RBFOX1: variants seen among roughly 807,000 people sequenced by gnomAD.
The protein encoded by RBFOX1 is RNA binding fox-1 homolog 1.
RBFOX1 carries 8 observed loss-of-function variants against 57.7 expected under a neutral mutation model. That is an observed-to-expected ratio of 0.14 (90% CI 0.08 to 0.25). The LOEUF is 0.25. Among genes scored for constraint, RBFOX1 ranks in the 10% least tolerant of loss-of-function variants. The pLI, the probability that RBFOX1 is intolerant of heterozygous loss-of-function variation, is 1.00. For missense variants in RBFOX1, 611 were observed against 548.5 expected (o/e 1.11, Z -1.14); for synonymous variants, 326 against 222.4 (o/e 1.47, Z -4.15).
At chr16:7,004,276 T>C (rs2093105050) in intron 3 of RBFOX1, among the ~76,000 whole-genome samples, 1 of 152,216 alleles carries the variant, frequency 6.6e-6, no homozygotes, top group Admixed American at 6.5e-5. Flanking sequence ...ACGCATTATA[T>C]ATTAATTAGA....
At chr16:5,996,057 T>C (rs912876206) in intron 4 of RBFOX1, among the ~76,000 whole-genome samples, 54 of 152,130 alleles carry the variant, frequency 3.5e-4, no homozygotes, top group African/African-American at 1.2e-3. Flanking sequence ...AGAGTACTAA[T>C]TCCAAGCATG....
chr16:6,149,091 C>G (rs2096779506), intron 1 of RBFOX1, among the ~76,000 whole-genome samples: 1 of 152,204 alleles, frequency 6.6e-6, no homozygotes, highest in African/African-American at 2.4e-5. Context: ...TAATGAAATG[C>G]AAACAAATAC....
intron 4 of RBFOX1, among the ~76,000 whole-genome samples, chr16:7,193,403 C>G (rs982149280): frequency 6.6e-6 from 1 of 152,216 alleles, no homozygotes; most frequent in African/African-American, 2.4e-5. Flanking sequence ...ATGAGACCTG[C>G]ATCAGATTTC....
chr16:6,103,536 A>G (rs1434578502), intron 1 of RBFOX1, among the ~76,000 whole-genome samples: 1 of 152,126 alleles, frequency 6.6e-6, no homozygotes, highest in Non-Finnish European at 1.5e-5. Context: ...TGCCTTATTC[A>G]TACAAAGCCA....
At chr16:7,504,506 C>A (rs1388496589) in intron 4 of RBFOX1, among the ~76,000 whole-genome samples, 1 of 150,620 alleles carries the variant, frequency 6.6e-6, no homozygotes, top group East Asian at 2.0e-4. Flanking sequence ...TCCACCATAA[C>A]TCTCACAAAT....
chr16:6,067,472 A>G (rs1306769970), intron 1 of RBFOX1, among the ~76,000 whole-genome samples: 4 of 152,216 alleles, frequency 2.6e-5, no homozygotes, highest in South Asian at 4.1e-4. Context: ...TAAGATAGAA[A>G]TAAATCACTA....
chr16:6,877,244 C>T (rs182004994), intron 3 of RBFOX1, among the ~76,000 whole-genome samples: 2 of 152,176 alleles, frequency 1.3e-5, no homozygotes, highest in Non-Finnish European at 2.9e-5. Context: ...ATAAATCCCA[C>T]ATGTTGACAT....
At chr16:7,043,499 G>C (rs1000459726) in intron 3 of RBFOX1, among the ~76,000 whole-genome samples, 1 of 152,188 alleles carries the variant, frequency 6.6e-6, no homozygotes, top group South Asian at 2.1e-4. Flanking sequence ...TTGGAGACGT[G>C]CGTTTATAGG....
At chr16:7,521,188 T>C (rs1507014) in intron 5 of RBFOX1, among the ~76,000 whole-genome samples, 141,217 of 152,072 alleles carry the variant, frequency 0.93, 65,974 homozygotes, top group Non-Finnish European at 0.99. Context: ...GTCAGAGGTC[T>C]TAAAGTTGGA....
At chr16:7,212,576 C>G (rs182252306) in intron 4 of RBFOX1, among the ~76,000 whole-genome samples, 91 of 152,218 alleles carry the variant, frequency 6.0e-4, no homozygotes, top group African/African-American at 2.2e-3. Context: ...GCAGAGTAGT[C>G]TCACATCCCT....
intron 4 of RBFOX1, among the ~76,000 whole-genome samples, chr16:7,510,544 G>A (rs898456719): frequency 6.6e-6 from 1 of 151,776 alleles, no homozygotes; most frequent in Non-Finnish European, 1.5e-5. Flanking sequence ...CGCGCTTTCT[G>A]CTTGATGTGT....
rs150893094 is a variant in RBFOX1, at chr16:6,944,924, A to T, written c.-15-107133A>T. Among the ~76,000 whole-genome samples, 373 of 152,216 alleles carry T rather than the reference A, an allele frequency of 2.5e-3. 11 individuals carry two copies. The South Asian group carries it at 0.057, about 23-fold the overall frequency. On this transcript the variant is annotated intron_variant, in intron 3 of 15. Coordinates refer to ENST00000550418, the MANE Select transcript of RBFOX1 (RefSeq NM_018723.4). ...TGCAGCTCTTAGCTATTCTGTCTGT[A>T]AGGATGAAGACAGTCTGAAAAGTGG...
intron 6 of RBFOX1, 44 bp from the exon 7 acceptor site, chr16:7,587,203 T>G: frequency 6.8e-7 from 1 of 1,480,334 alleles, no homozygotes; most frequent in Non-Finnish European, 9.0e-7. Context: ...TAATGTCTAC[T>G]GCATTTCTCT....
intron 1 of RBFOX1, among the ~76,000 whole-genome samples, chr16:5,388,108 C>G (rs1001850444): frequency 6.6e-6 from 1 of 152,168 alleles, no homozygotes; most frequent in Non-Finnish European, 1.5e-5. Context: ...TCAGGGAGAA[C>G]TATGTCAGAC....
At chr16:6,912,449 A>T (rs112245122) in intron 3 of RBFOX1, among the ~76,000 whole-genome samples, 2 of 152,140 alleles carry the variant, frequency 1.3e-5, no homozygotes, top group Non-Finnish European at 2.9e-5. Context: ...AAGATTTTTC[A>T]GGATCCTTTC....
intron 1 of RBFOX1, among the ~76,000 whole-genome samples, chr16:6,122,638 T>G (rs1331593457): frequency 6.6e-6 from 1 of 152,210 alleles, no homozygotes; most frequent in African/African-American, 2.4e-5. Context: ...TGACAGTGGG[T>G]GGCCAATGTG....
At chr16:6,981,260 C>A (rs138976190) in intron 3 of RBFOX1, among the ~76,000 whole-genome samples, 1 of 151,718 alleles carries the variant, frequency 6.6e-6, no homozygotes, top group Non-Finnish European at 1.5e-5. Context: ...TGTGATTCTC[C>A]CCTCCTCCCA....
chr16:6,368,457 G>A (rs17140008), intron 2 of RBFOX1, among the ~76,000 whole-genome samples: 1,619 of 152,296 alleles, frequency 0.011, 31 homozygotes, highest in African/African-American at 0.035. Flanking sequence ...TACACGGATC[G>A]TGCTGGTTCC....
chr16:5,917,328 A>G (rs1174003164), intron 4 of RBFOX1, among the ~76,000 whole-genome samples: 3 of 152,168 alleles, frequency 2.0e-5, no homozygotes, highest in Non-Finnish European at 4.4e-5. Context: ...TTAAGCGCCC[A>G]CCACCGGACA....
Sources: allele counts gnomAD v4.1 joint callset (sites outside exome capture counted in the v4.1 genomes callset), GRCh38; gene constraint gnomAD v4.1.1; transcripts MANE v1.5; gene names NCBI Gene and HGNC (gene_info 2026-07-23, HGNC 2026-07-21).